The following DAB1 variants were observed in gnomAD, a reference collection of about 807,000 sequenced individuals.
DAB1 encodes the protein DAB adaptor protein 1.
Under a neutral mutation model 64.6 loss-of-function variants are expected in DAB1, and 15 were observed. That is an observed-to-expected ratio of 0.23 (90% CI 0.16 to 0.36). DAB1 has a LOEUF of 0.36. DAB1 is among the 10% of genes least tolerant of loss of function. The probability of loss-of-function intolerance (pLI) is 1.00; values close to 1 mark genes in which losing one functional copy is unlikely to be tolerated. For synonymous variants in DAB1, 235 were observed against 251.9 expected (o/e 0.93, Z 0.64); for missense variants, 596 against 706.7 (o/e 0.84, Z 1.78).
rs569366556 is a variant in DAB1, at chr1:58,354,983, G to A, written n.258-11580C>T. Among the ~76,000 whole-genome samples the A allele has an allele frequency of 3.9e-4, 60 of 152,222 alleles. No individual in the cohort carries two copies. In the Middle Eastern group the frequency reaches 0.01, roughly 26 times the overall value. The stretch of plus-strand genomic sequence containing the variant: ...TTTTTCAGCTCAAATTTACCTGGAC[G>A]AGGTCCAGCTATAATCATCAAACGG... On this transcript the variant is annotated intron_variant and non_coding_transcript_variant, in intron 3 of 20. Coordinates refer to the DAB1 transcript ENST00000485760.
intron 5 of DAB1, among the ~76,000 whole-genome samples, chr1:58,089,790 C>A (rs568235903): frequency 6.6e-6 from 1 of 152,210 alleles, no homozygotes; most frequent in Non-Finnish European, 1.5e-5. Context: ...ATAATGGCCT[C>A]TTGTTAGGCC....
intron 7 of DAB1, among the ~76,000 whole-genome samples, chr1:57,596,781 CCAGCACCAAACA>C (rs1645515177): frequency 6.6e-6 from 1 of 152,210 alleles, no homozygotes; most frequent in African/African-American, 2.4e-5. Flanking sequence ...CTCTGAATCT[CCAGCACCAAACA>C]CAGCGCGTGG....
At chr1:57,661,982 C>T (rs61769639) in intron 6 of DAB1, among the ~76,000 whole-genome samples, 50,017 of 151,554 alleles carry the variant, frequency 0.33, 8,585 homozygotes, top group Non-Finnish European at 0.38. Flanking sequence ...TGAGGGTGAC[C>T]GTAAAGATAA....
intron 4 of DAB1, among the ~76,000 whole-genome samples, chr1:58,211,649 A>G (rs763522921): frequency 6.6e-6 from 1 of 152,204 alleles, no homozygotes; most frequent in African/African-American, 2.4e-5. Flanking sequence ...TGGCTTGAAA[A>G]ATACTCCAAG....
intron 2 of DAB1, among the ~76,000 whole-genome samples, chr1:57,180,167 G>A (rs2100964153): frequency 6.6e-6 from 1 of 152,270 alleles, no homozygotes; most frequent in African/African-American, 2.4e-5. Flanking sequence ...CCAGCCTTAG[G>A]TGAGAGGACA....
At chr1:57,204,656 CT>C (rs1252564566) in intron 2 of DAB1, among the ~76,000 whole-genome samples, 3 of 152,078 alleles carry the variant, frequency 2.0e-5, no homozygotes, top group Non-Finnish European at 4.4e-5. Flanking sequence ...CCTCAGTTTC[CT>C]TATATGTATG....
chr1:58,276,767 C>A (rs181817237), intron 4 of DAB1, among the ~76,000 whole-genome samples: 43 of 152,236 alleles, frequency 2.8e-4, no homozygotes, highest in African/African-American at 9.2e-4. Context: ...TAAGTCTTAT[C>A]ATTTTTTCTG....
intron 3 of DAB1, among the ~76,000 whole-genome samples, chr1:58,501,554 T>G (rs1645906577): frequency 6.6e-6 from 1 of 152,184 alleles, no homozygotes; most frequent in Admixed American, 6.5e-5. Context: ...GGTTTTCTTC[T>G]TGTTGCTCCT....
At chr1:58,320,342 A>G (rs1225007795) in intron 4 of DAB1, among the ~76,000 whole-genome samples, 2 of 152,206 alleles carry the variant, frequency 1.3e-5, no homozygotes, top group African/African-American at 2.4e-5. Flanking sequence ...TAATCTTACA[A>G]TTGCCAAGGG....
At chr1:58,050,821 A>G (rs1018194296) in intron 5 of DAB1, among the ~76,000 whole-genome samples, 1 of 152,054 alleles carries the variant, frequency 6.6e-6, no homozygotes, top group African/African-American at 2.4e-5. Flanking sequence ...GAGCCACCGC[A>G]CCCGGCCCTC....
At chr1:57,786,917 C>T (rs529783374) in intron 6 of DAB1, among the ~76,000 whole-genome samples, 3 of 152,062 alleles carry the variant, frequency 2.0e-5, no homozygotes, top group East Asian at 1.9e-4. Flanking sequence ...TAATCCCTCA[C>T]AATAGCATTA....
intron 7 of DAB1, among the ~76,000 whole-genome samples, chr1:57,528,878 A>T (rs934190802): frequency 1.3e-5 from 2 of 152,118 alleles, no homozygotes; most frequent in Non-Finnish European, 2.9e-5. Context: ...TAAAATGGAG[A>T]CAATTTGTTG....
At chr1:58,303,917 A>G (rs1557727157) in intron 4 of DAB1, among the ~76,000 whole-genome samples, 1 of 152,048 alleles carries the variant, frequency 6.6e-6, no homozygotes, top group Non-Finnish European at 1.5e-5. Context: ...TTATTTATTT[A>G]TTTATTTTTA....
chr1:57,444,708 G>A (rs778393539), intron 7 of DAB1, among the ~76,000 whole-genome samples: 2 of 152,142 alleles, frequency 1.3e-5, no homozygotes, highest in Non-Finnish European at 2.9e-5. Flanking sequence ...GAGTCGTATG[G>A]CCACAAACCA....
intron 1 of DAB1, among the ~76,000 whole-genome samples, chr1:57,315,285 A>G (rs1320865746): frequency 3.3e-5 from 5 of 152,152 alleles, no homozygotes; most frequent in Non-Finnish European, 7.3e-5. Flanking sequence ...TATTCCATGT[A>G]AATTCTATTA....
intron 9 of DAB1, among the ~76,000 whole-genome samples, chr1:57,032,913 T>C (rs1033336042): frequency 6.6e-6 from 1 of 152,206 alleles, no homozygotes; most frequent in African/African-American, 2.4e-5. Flanking sequence ...AGTGGTGTAC[T>C]TGGCACGTCC....
intron 7 of DAB1, among the ~76,000 whole-genome samples, chr1:57,564,105 A>G (rs1259565711): frequency 6.6e-6 from 1 of 152,144 alleles, no homozygotes; most frequent in Non-Finnish European, 1.5e-5. Context: ...AGGAACAATC[A>G]GGCAGCAACA....
At chr1:57,144,750 G>A (rs1340621558) in intron 3 of DAB1, among the ~76,000 whole-genome samples, 1 of 150,624 alleles carries the variant, frequency 6.6e-6, no homozygotes, top group African/African-American at 2.4e-5. Flanking sequence ...TCAGAGAAAA[G>A]GCTTCTTTAT....
intron 5 of DAB1, among the ~76,000 whole-genome samples, chr1:58,118,573 TATATAC>T (rs1442224868): frequency 1.2e-5 from 1 of 86,664 alleles, no homozygotes; most frequent in African/African-American, 6.2e-5. Context: ...TACATATATA[TATATAC>T]ATATATATAT....
Sources: allele counts gnomAD v4.1 joint callset (sites outside exome capture counted in the v4.1 genomes callset), GRCh38; gene constraint gnomAD v4.1.1; transcripts MANE v1.5; gene names NCBI Gene and HGNC (gene_info 2026-07-23, HGNC 2026-07-21).